The following MTA3 variants were observed in gnomAD, a reference collection of about 807,000 sequenced individuals.
The protein encoded by MTA3 is metastasis-associated protein MTA3.
A neutral mutation model predicts 83.5 loss-of-function variants in MTA3; 34 were observed. The observed-to-expected ratio is 0.41, with a 90% CI of 0.31 to 0.54. The LOEUF is 0.54. Ranked by LOEUF, MTA3 falls within the 20% of genes least tolerant of loss-of-function variation. The probability of loss-of-function intolerance (pLI) is 0.33; values close to 1 mark genes in which losing one functional copy is unlikely to be tolerated. For synonymous variants in MTA3, 303 were observed against 252.7 expected (o/e 1.20, Z -1.89); for missense variants, 761 against 726.4 (o/e 1.05, Z -0.55).
At chr2:42,590,188 G>T (rs1360250096) in intron 3 of MTA3, among the ~76,000 whole-genome samples, 2 of 152,106 alleles carry the variant, frequency 1.3e-5, no homozygotes, top group African/African-American at 2.4e-5. Context: ...TTTGGATGTT[G>T]TGCCCTCCAA....
upstream of MTA3, among the ~76,000 whole-genome samples, chr2:42,564,114 C>T (rs1251417486): frequency 1.3e-5 from 2 of 152,172 alleles, no homozygotes; most frequent in African/African-American, 4.8e-5. Flanking sequence ...TGCCACTGTG[C>T]CTGGCCAACC....
At chr2:42,674,510 A>G (rs1247072697) in intron 8 of MTA3, among the ~76,000 whole-genome samples, 7 of 152,094 alleles carry the variant, frequency 4.6e-5, no homozygotes, top group Admixed American at 3.9e-4. Context: ...GGATCGTGCA[A>G]TGTGTATTGG....
chr2:42,676,768 A>C (rs181679101), intron 8 of MTA3, among the ~76,000 whole-genome samples: 2 of 152,370 alleles, frequency 1.3e-5, no homozygotes, highest in Non-Finnish European at 2.9e-5. Flanking sequence ...CCTGTCTCCA[A>C]AGAAAAAGAT....
intron 8 of MTA3, among the ~76,000 whole-genome samples, chr2:42,676,118 T>G (rs2104421127): frequency 6.6e-6 from 1 of 152,364 alleles, no homozygotes; most frequent in Admixed American, 6.5e-5. Flanking sequence ...TTCCAATGTA[T>G]TCTTTCTCAT....
chr2:42,538,295 G>T (rs1013490422), intron 2 of MTA3, among the ~76,000 whole-genome samples: 1 of 148,620 alleles, frequency 6.7e-6, no homozygotes, highest in Non-Finnish European at 1.5e-5. Flanking sequence ...TAAATGGAAA[G>T]ATGAGCATAT....
chr2:42,636,611 T>G (rs1373816272), intron 4 of MTA3, among the ~76,000 whole-genome samples: 1 of 150,462 alleles, frequency 6.6e-6, no homozygotes, highest in Admixed American at 6.6e-5. Context: ...AATTTAAACT[T>G]CTTTCTCTTT....
upstream of MTA3, among the ~76,000 whole-genome samples, chr2:42,566,822 G>A (rs1677931483): frequency 6.6e-6 from 1 of 152,204 alleles, no homozygotes; most frequent in South Asian, 2.1e-4. Flanking sequence ...TTTCTAGGTG[G>A]CTTTTGTACT....
At chr2:42,573,883 A>G (rs1029817795) in intron 2 of MTA3, among the ~76,000 whole-genome samples, 2 of 150,876 alleles carry the variant, frequency 1.3e-5, no homozygotes, top group African/African-American at 4.9e-5. Context: ...CAGTGGCGCA[A>G]TCTCAGCTCA....
At chr2:42,708,779 T>C in intron 13 of MTA3, 95 bp from the exon 14 acceptor site, 1 of 1,298,426 alleles carries the variant, frequency 7.7e-7, no homozygotes, top group South Asian at 1.4e-5. Context: ...CATGAAAGAT[T>C]TAAAAGTTGC....
intron 8 of MTA3, among the ~76,000 whole-genome samples, chr2:42,663,720 A>G (rs1689951735): frequency 6.6e-6 from 1 of 152,216 alleles, no homozygotes; most frequent in African/African-American, 2.4e-5. Context: ...AGCTATGATC[A>G]TCCCAATGTA....
intron 3 of MTA3, among the ~76,000 whole-genome samples, chr2:42,607,496 C>G (rs1455214204): frequency 6.6e-6 from 1 of 152,166 alleles, no homozygotes; most frequent in Non-Finnish European, 1.5e-5. Flanking sequence ...CCTCCTACAT[C>G]AGTCTCTGAG....
At chr2:42,589,406 T>C (rs1452523287) in intron 3 of MTA3, among the ~76,000 whole-genome samples, 1 of 152,214 alleles carries the variant, frequency 6.6e-6, no homozygotes, top group African/African-American at 2.4e-5. Flanking sequence ...TGGAAAATTA[T>C]CACCAGTAAC....
intron 8 of MTA3, among the ~76,000 whole-genome samples, chr2:42,664,254 G>A (rs2104386278): frequency 6.6e-6 from 1 of 152,076 alleles, no homozygotes; most frequent in Middle Eastern, 3.4e-3. Context: ...TAGATCCTGA[G>A]GCATTTATAA....
chr2:42,683,243 G>T (rs1692085923), intron 9 of MTA3, among the ~76,000 whole-genome samples: 1 of 152,150 alleles, frequency 6.6e-6, no homozygotes, highest in African/African-American at 2.4e-5. Flanking sequence ...TTTTAGACTA[G>T]TTGCTCTGCT....
intron 2 of MTA3, among the ~76,000 whole-genome samples, chr2:42,518,529 TATAGAA>T (rs1356872974): frequency 6.6e-6 from 1 of 152,160 alleles, no homozygotes; most frequent in Non-Finnish European, 1.5e-5. Context: ...AGTCTATACT[TATAGAA>T]AAAGACTAAA....
chr2:42,584,526 A>G (rs1471230320), intron 3 of MTA3, among the ~76,000 whole-genome samples: 1 of 152,098 alleles, frequency 6.6e-6, no homozygotes, highest in African/African-American at 2.4e-5. Flanking sequence ...ATTTAATGGT[A>G]AGTTGGAGAC....
In MTA3 at chr2:42,547,704, A is replaced by AGCTG. The variant is rs1415969420; in HGVS notation, c.-140-22732_-140-22731insCTGG. ...CTGGCCAAGACTTAGCTATTGTTAC[A>AGCTG]GGCGCATACTCCTAAATTAGGTTTT... is the stretch of plus-strand genomic sequence containing the variant. On this transcript the variant is annotated intron_variant, in intron 2 of 17. Coordinates refer to the MTA3 transcript ENST00000405592. Among the ~76,000 whole-genome samples, 4 of 152,348 alleles carry AGCTG rather than the reference A, an allele frequency of 2.6e-5. No homozygotes were observed. The East Asian group carries it at 7.7e-4, about 29-fold the overall frequency.
At chr2:42,718,539 C>A (rs762012518) in intron 14 of MTA3, among the ~76,000 whole-genome samples, 4 of 151,250 alleles carry the variant, frequency 2.6e-5, no homozygotes, top group Non-Finnish European at 4.4e-5. Flanking sequence ...AGCAGGTGGG[C>A]AGAACACAAG....
intron 8 of MTA3, among the ~76,000 whole-genome samples, chr2:42,666,323 C>T (rs1294624844): frequency 6.6e-6 from 1 of 152,154 alleles, no homozygotes; most frequent in Non-Finnish European, 1.5e-5. Context: ...TATTTTGCTA[C>T]CTCCTACCTT....
Sources: allele counts gnomAD v4.1 joint callset (sites outside exome capture counted in the v4.1 genomes callset), GRCh38; gene constraint gnomAD v4.1.1; transcripts MANE v1.5; gene names NCBI Gene and HGNC (gene_info 2026-07-23, HGNC 2026-07-21).